Variants in PSMC4 observed in about 807,000 individuals in gnomAD.
PSMC4 encodes the protein 26S proteasome regulatory subunit 6B.
A neutral mutation model predicts 48.4 loss-of-function variants in PSMC4; 13 were observed. That is an observed-to-expected ratio of 0.27 (90% CI 0.18 to 0.43). The LOEUF is 0.43. Ranked by LOEUF, PSMC4 falls within the 20% of genes least tolerant of loss-of-function variation. The probability of loss-of-function intolerance (pLI) is 1.00; values close to 1 mark genes in which losing one functional copy is unlikely to be tolerated. For missense variants in PSMC4, 262 were observed against 555.9 expected (o/e 0.47, Z 5.32); for synonymous variants, 202 against 212.3 (o/e 0.95, Z 0.42).
At chr19:39,971,289 G>A in intron 1 of PSMC4, 51 bp downstream of exon 1, 1 of 1,611,058 alleles carries the variant, frequency 6.2e-7, no homozygotes, top group East Asian at 2.2e-5. Context: ...GCGGGGAGAG[G>A]GTGAAGCCAG....
In PSMC4 at chr19:39,974,464, G is replaced by T; in HGVS notation, c.469+24G>T. On this transcript the variant is annotated intron_variant, in intron 4 of 10. Coordinates refer to ENST00000157812, the MANE Select transcript of PSMC4 (RefSeq NM_006503.4). This position sits in a 1 kb window ranked among gnomAD's most constrained non-coding sequence, Gnocchi z 5.5. The stretch of plus-strand genomic sequence containing the variant: ...AGGTAAAGGGGGAGCCTGCAGCTGG[G>T]AGGGCCCCATGGGGACCTTGAGGAC... 6.2e-7 allele frequency: 1 copy of T among 1,613,698 alleles called. No individual in the cohort carries two copies. The highest frequency in any genetic ancestry group is 1.1e-5 in the South Asian group (1 of 91,074).
At position 39,981,431 on chromosome 19, in the gene PSMC4, G is replaced by T; in HGVS notation, c.*126G>T. 1 of 657,546 alleles carries T rather than the reference G, an allele frequency of 1.5e-6. No individual in the cohort carries two copies. The highest frequency in any genetic ancestry group is 1.8e-5 in the South Asian group (1 of 54,130). The allele number at this position is 657,546 out of a possible 1,614,324, so 40.7% of individuals were successfully genotyped here. ...ATTGGTTTCTTCAATAAATAGATAA[G>T]ATCGAATCCATTTAATTTCTTCTTA... On this transcript the variant is annotated 3_prime_UTR_variant, in exon 11 of 11. Coordinates refer to ENST00000157812, the MANE Select transcript of PSMC4 (RefSeq NM_006503.4).
chr19:39,978,174 T>C (rs138927916), intron 6 of PSMC4, among the ~76,000 whole-genome samples: 51 of 152,220 alleles, frequency 3.4e-4, no homozygotes, highest in South Asian at 8.3e-4. Context: ...CACAGCTTAC[T>C]AAGAGTGAGT....
chr19:39,980,728 G>A lies in PSMC4; in HGVS notation c.1143+11G>A. ...TCCATCTGTCAGGAGGTAAGTGGTG[G>A]TTTCTCTCTGGATCCAGGCAGCGGG... On this transcript the variant is annotated intron_variant, in intron 10 of 10. Coordinates refer to ENST00000157812, the MANE Select transcript of PSMC4 (RefSeq NM_006503.4). The surrounding 1 kb of genome is among the most constrained non-coding windows in gnomAD (Gnocchi z 4.8). 1 of 1,613,294 alleles carries A rather than the reference G, an allele frequency of 6.2e-7. No individual in the cohort carries two copies. The highest frequency in any genetic ancestry group is 1.1e-5 in the South Asian group (1 of 91,054).
intron 6 of PSMC4, among the ~76,000 whole-genome samples, chr19:39,976,216 G>A (rs1446154333): frequency 2.8e-5 from 4 of 142,722 alleles, no homozygotes; most frequent in South Asian, 2.3e-4. Flanking sequence ...CAGCCTGGGC[G>A]ACAAAGCAAG....
At chr19:39,977,464 G>C (rs1430675456) in intron 6 of PSMC4, among the ~76,000 whole-genome samples, 2 of 152,102 alleles carry the variant, frequency 1.3e-5, no homozygotes, top group African/African-American at 4.8e-5. Context: ...AGAAGGTGTA[G>C]AAGGGATGTA....
At chr19:39,976,610 A>T (rs1032673380) in intron 6 of PSMC4, among the ~76,000 whole-genome samples, 17 of 145,132 alleles carry the variant, frequency 1.2e-4, no homozygotes, top group African/African-American at 4.3e-4. Flanking sequence ...CCAGGTTCAC[A>T]CCATTCTCCT....
chr19:39,972,490 C>T lies in PSMC4; in HGVS notation c.257C>T (p.Pro86Leu). 2 of 1,614,108 alleles carry T rather than the reference C, an allele frequency of 1.2e-6. No homozygotes were observed. The highest frequency in any genetic ancestry group is 1.7e-6 in the Non-Finnish European group (2 of 1,180,022). Residue 86 changes from proline (P) to leucine (L), a missense_variant, in exon 3 of 11, where the codon CCG becomes CTG. Coordinates refer to ENST00000157812, the MANE Select transcript of PSMC4 (RefSeq NM_006503.4). ...QEEVKRIQSI[P>L]LVIGQFLEAV... ...GAGGTGAAGCGAATCCAAAGCATCC[C>T]GCTGGTCATCGGACAATTTCTGGAG...
chr19:39,972,281 C>T (rs373742347), intron 2 of PSMC4, 37 bp downstream of exon 2: 359 of 1,610,554 alleles, frequency 2.2e-4, no homozygotes, highest in Non-Finnish European at 2.9e-4. Context: ...TGCACAGGAC[C>T]TGACATCTCA....
chr19:39,978,964 ATGATACCAC>A (rs1367545923), intron 6 of PSMC4, among the ~76,000 whole-genome samples: 2 of 152,118 alleles, frequency 1.3e-5, no homozygotes, highest in African/African-American at 4.8e-5. Flanking sequence ...GTAAGCTATG[ATGATACCAC>A]TGTACTCCAA....
intron 6 of PSMC4, chr19:39,979,588 G>T: frequency 2.8e-6 from 1 of 356,084 alleles, no homozygotes; most frequent in Non-Finnish European, 5.0e-6. Flanking sequence ...TGACACATTT[G>T]TAAGGATGAT....
Position 39,980,208 on chromosome 19 carries a change from G to C in PSMC4, c.918+62G>C. 1 of 1,613,676 alleles carries C rather than the reference G, an allele frequency of 6.2e-7. No individual in the cohort carries two copies. The highest frequency in any genetic ancestry group is 8.5e-7 in the Non-Finnish European group (1 of 1,179,696). On this transcript the variant is annotated intron_variant, in intron 8 of 10. Coordinates refer to ENST00000157812, the MANE Select transcript of PSMC4 (RefSeq NM_006503.4). The surrounding 1 kb of genome is among the most constrained non-coding windows in gnomAD (Gnocchi z 4.8). ...TAGGAACTGGGGAAAGTTGGGGGCT[G>C]GCACCTAAGGGGTGGTTATCGTGAC...
In PSMC4 at chr19:39,980,811, G is replaced by C; in HGVS notation, c.1143+94G>C. ...GCTGCAGTCCTGTCCCCTCATGGCTGCCCTGGGTCGTGGGCGCCATCTCTC... is the reference window on the plus strand; with the variant it reads ...GCTGCAGTCCTGTCCCCTCATGGCTCCCCTGGGTCGTGGGCGCCATCTCTC... On this transcript the variant is annotated intron_variant, in intron 10 of 10. Coordinates refer to ENST00000157812, the MANE Select transcript of PSMC4 (RefSeq NM_006503.4). This position sits in a 1 kb window ranked among gnomAD's most constrained non-coding sequence, Gnocchi z 4.8. 7.7e-7 allele frequency: 1 copy of C among 1,298,042 alleles called. No individual in the cohort carries two copies. Among genetic ancestry groups the C allele is most frequent in the Non-Finnish European group, 1.1e-6 (1 of 894,716 alleles). The allele number at this position is 1,298,042 out of a possible 1,614,324, so 80.4% of individuals were successfully genotyped here. A position where few individuals can be genotyped will look rare whatever the true frequency, so the allele number is the denominator to read the frequency against.
Position 39,971,171 on chromosome 19 carries a change from T to A in PSMC4, c.-32T>A. 6.2e-7 allele frequency: 1 copy of A among 1,613,694 alleles called. No homozygotes were observed. Among genetic ancestry groups the A allele is most frequent in the South Asian group, 1.1e-5 (1 of 91,016 alleles). On this transcript the variant is annotated 5_prime_UTR_variant, in exon 1 of 11. Coordinates refer to ENST00000157812, the MANE Select transcript of PSMC4 (RefSeq NM_006503.4). ...CGTCAGCGGAAGCGGTGACAGATCA[T>A]CCCAGGCCACACAGAGGCCGGCTTG...
chr19:39,981,251 A>G lies in PSMC4; in HGVS notation c.1203A>G (p.Lys401=), dbSNP rs758251359. ...RYIVLAKDFE[K]AYKTVIKKDE... is the part of the protein sequence containing the mutation. ...TTGTCCTGGCCAAGGACTTCGAGAAAGCATACAAGACTGTCATCAAGAAGG... is the reference window on the plus strand; with the variant it reads ...TTGTCCTGGCCAAGGACTTCGAGAAGGCATACAAGACTGTCATCAAGAAGG... The change falls in exon 11 of 11, where the codon AAA becomes AAG. Residue 401 remains lysine (K), a synonymous_variant. Transcript: ENST00000157812. The G allele has an allele frequency of 3.1e-6, 5 of 1,614,094 alleles. No homozygotes were observed. The highest frequency in any genetic ancestry group is 4.2e-6 in the Non-Finnish European group (5 of 1,180,018).
At position 39,974,680 on chromosome 19, in the gene PSMC4, G is replaced by A; in HGVS notation, c.579+47G>A. 6.2e-7 allele frequency: 1 copy of A among 1,612,606 alleles called. No homozygotes were observed. The highest frequency in any genetic ancestry group is 1.7e-5 in the Admixed American group (1 of 59,994). On this transcript the variant is annotated intron_variant, in intron 5 of 10. Transcript: ENST00000157812. This position sits in a 1 kb window ranked among gnomAD's most constrained non-coding sequence, Gnocchi z 5.5. ...GGAAGGGAGAGGCCCCATTGGGTCT[G>A]GGGTTGGAGGTGGAACCCCTGACTC...
At chr19:39,976,401 CAA>C (rs757355957) in intron 6 of PSMC4, among the ~76,000 whole-genome samples, 4,823 of 44,598 alleles carry the variant, frequency 0.11, 76 homozygotes, top group African/African-American at 0.26. Flanking sequence ...GACTCCGTCT[CAA>C]AAAAAAAAAA....
chr19:39,980,738 G>T lies in PSMC4; in HGVS notation c.1143+21G>T. 6.2e-7 allele frequency: 1 copy of T among 1,611,548 alleles called. No individual in the cohort carries two copies. Among genetic ancestry groups the T allele is most frequent in the East Asian group, 2.2e-5 (1 of 44,868 alleles). On this transcript the variant is annotated intron_variant, in intron 10 of 10. Transcript: ENST00000157812. The surrounding 1 kb of genome is among the most constrained non-coding windows in gnomAD (Gnocchi z 4.8). ...AGGAGGTAAGTGGTGGTTTCTCTCT[G>T]GATCCAGGCAGCGGGTGTGTGAGGA...
At chr19:39,973,499 G>A (rs1488633592) in intron 3 of PSMC4, among the ~76,000 whole-genome samples, 1 of 148,948 alleles carries the variant, frequency 6.7e-6, no homozygotes, top group African/African-American at 2.5e-5. Flanking sequence ...CACAGGATCT[G>A]TTGAACCCAG....
Sources: allele counts gnomAD v4.1 joint callset (sites outside exome capture counted in the v4.1 genomes callset), GRCh38; gene constraint gnomAD v4.1.1; non-coding constraint Gnocchi (gnomAD v3.1); transcripts MANE v1.5; gene names NCBI Gene and HGNC (gene_info 2026-07-23, HGNC 2026-07-21).